SSBP4: variants seen among roughly 807,000 people sequenced by gnomAD.
SSBP4 encodes single stranded DNA binding protein 4, also known as single-stranded DNA-binding protein 4.
A neutral mutation model predicts 64.6 loss-of-function variants in SSBP4; 33 were observed. That is an observed-to-expected ratio of 0.51 (90% CI 0.39 to 0.68). SSBP4 has a LOEUF of 0.68. Among genes scored for constraint, SSBP4 ranks in the 30% least tolerant of loss-of-function variants. SSBP4 has a pLI of 0.00. For missense variants in SSBP4, 583 were observed against 566.8 expected, an observed-to-expected ratio of 1.03 and a Z score of -0.29; for synonymous variants, 243 against 224.0, an observed-to-expected ratio of 1.08 and a Z score of -0.76.
the SSBP4 span, among the ~76,000 whole-genome samples, chr19:18,404,015 A>AGAT: frequency 6.6e-6 from 1 of 151,628 alleles, no homozygotes; most frequent in Non-Finnish European, 1.5e-5. Flanking sequence ...CAGCCGCCAG[A>AGAT]GATGGCCCCA....
At chr19:18,419,254 C>T (rs546618712), upstream of SSBP4, 1 of 991,426 alleles carries the variant, frequency 1.0e-6, no homozygotes, top group South Asian at 4.7e-5. Context: ...GCCGCGCCCC[C>T]ACCCCCCGCG....
At position 18,427,469 on chromosome 19, in the gene SSBP4, C is replaced by T. The variant is rs770988865; in HGVS notation, c.132+46C>T. ...TGGCCCTCCCTCCTCACCCACACTC[C>T]GGGGGTCCTTCATTTCCACTGGGGA... On this transcript the variant is annotated intron_variant, in intron 2 of 17. Coordinates refer to ENST00000270061, the MANE Select transcript of SSBP4 (RefSeq NM_032627.5). This position sits in a 1 kb window ranked among gnomAD's most constrained non-coding sequence, Gnocchi z 4.4. 38 of 1,587,516 alleles carry T rather than the reference C, an allele frequency of 2.4e-5. No individual in the cohort carries two copies. In the Admixed American group the frequency reaches 3.2e-4, roughly 13 times the overall value.
chr19:18,423,414 C>T lies in SSBP4; in HGVS notation c.59+3707C>T, dbSNP rs554196173. Among the ~76,000 whole-genome samples, 1 of 152,216 alleles carries T rather than the reference C, an allele frequency of 6.6e-6. No individual in the cohort carries two copies. Among genetic ancestry groups the T allele is most frequent in the African/African-American group, 2.4e-5 (1 of 41,516 alleles). On this transcript the variant is annotated intron_variant, in intron 1 of 17. Transcript: ENST00000270061. The surrounding 1 kb of genome is among the most constrained non-coding windows in gnomAD (Gnocchi z 4.0). ...GGCCGCCACTTTGCCAAGAAGCTGC[C>T]AGAGGCCTGGCCTTTAGGGTTGGCA...
chr19:18,428,284 C>T (rs1434119291), intron 4 of SSBP4, among the ~76,000 whole-genome samples: 6 of 152,176 alleles, frequency 3.9e-5, no homozygotes, highest in Admixed American at 3.3e-4. Flanking sequence ...GCCATTTCCC[C>T]GCATCTCATG....
At chr19:18,412,006 C>A in the SSBP4 span, among the ~76,000 whole-genome samples, 1 of 151,750 alleles carries the variant, frequency 6.6e-6, no homozygotes, top group Admixed American at 6.6e-5. Context: ...CACACACACA[C>A]AAAATAAAAT....
chr19:18,431,886 T>C, intron 8 of SSBP4, 24 bp downstream of exon 8: 1 of 1,566,276 alleles, frequency 6.4e-7, no homozygotes, highest in Non-Finnish European at 8.7e-7. Flanking sequence ...CTCCAGCCCC[T>C]ATCCCGCCAT....
chr19:18,422,952 G>A (rs1972559490), intron 1 of SSBP4, among the ~76,000 whole-genome samples: 1 of 152,166 alleles, frequency 6.6e-6, no homozygotes, highest in Non-Finnish European at 1.5e-5. Flanking sequence ...GCTGCCCTTG[G>A]AGCCTACAGG....
rs759188767 is a variant in SSBP4, at chr19:18,433,625, G to C, written c.1020+12G>C. On this transcript the variant is annotated intron_variant, in intron 16 of 17. Coordinates refer to ENST00000270061, the MANE Select transcript of SSBP4 (RefSeq NM_032627.5). ...ACGGGTTGCCGAAGGTAAGGAGGCT[G>C]CGCTCTTGCCGGGGGTGGGATCCGG... 9 of 1,459,694 alleles carry C rather than the reference G, an allele frequency of 6.2e-6. 1 individual carries two copies. Among genetic ancestry groups the C allele is most frequent in the Middle Eastern group, 2.0e-4 (1 of 4,896 alleles). The allele number at this position is 1,459,694 out of a possible 1,614,324, so 90.4% of individuals were successfully genotyped here. A position where few individuals can be genotyped will look rare whatever the true frequency, so the allele number is the denominator to read the frequency against.
chr19:18,431,529 G>A, intron 6 of SSBP4, 111 bp downstream of exon 6: 1 of 1,411,612 alleles, frequency 7.1e-7, no homozygotes, highest in Non-Finnish European at 9.5e-7. Flanking sequence ...GCCGGGCTTT[G>A]CTGGCTGGTT....
chr19:18,412,835 G>A, the SSBP4 span, among the ~76,000 whole-genome samples: 2 of 152,228 alleles, frequency 1.3e-5, no homozygotes, highest in Non-Finnish European at 2.9e-5. Flanking sequence ...TTCAGCGAGA[G>A]CACTGAAGCA....
rs1972267445 is a variant in SSBP4 at position 18,419,462 on chromosome 19, A to G, written c.-187A>G. On this transcript the variant is annotated 5_prime_UTR_variant, in exon 1 of 18. Transcript: ENST00000270061. ...AAAGCCACCCTGCGGCCGGGGCCGG[A>G]GCTGGAGCCGCCGCTGCCGCCGCCG... The G allele has an allele frequency of 4.7e-6, 5 of 1,068,134 alleles. No homozygotes were observed. Among genetic ancestry groups the G allele is most frequent in the Non-Finnish European group, 4.5e-6 (4 of 885,000 alleles). The allele number at this position is 1,068,134 out of a possible 1,614,324, so 66.2% of individuals were successfully genotyped here.
In SSBP4 at chr19:18,432,185, C is replaced by T. The variant is rs772992400; in HGVS notation, c.675C>T (p.Leu225=). The T allele has an allele frequency of 5.6e-6, 9 of 1,613,034 alleles. No homozygotes were observed. Among genetic ancestry groups the T allele is most frequent in the East Asian group, 2.2e-5 (1 of 44,900 alleles). The change falls in exon 10 of 18, where the codon CTC becomes CTT. Residue 225 remains leucine (L), a synonymous_variant. Transcript: ENST00000270061. Reference sequence around the variant, plus strand: ...GCATGCGACCCCCACCCAACTCCCTCGCCGGCCCAGGCCTGCCTGCCATGA... The same window carrying T: ...GCATGCGACCCCCACCCAACTCCCTTGCCGGCCCAGGCCTGCCTGCCATGA... ...GGGMRPPPNS[L]AGPGLPAMNM... is the part of the protein sequence containing the mutation.
chr19:18,425,421 G>A (rs1972785150), intron 1 of SSBP4, among the ~76,000 whole-genome samples: 1 of 152,166 alleles, frequency 6.6e-6, no homozygotes, highest in African/African-American at 2.4e-5. Context: ...CTGGCAGGTG[G>A]GTTGGCACTG....
chr19:18,431,563 C>T (rs1973383805), intron 6 of SSBP4, 84 bp from the exon 7 acceptor site: 20 of 1,484,534 alleles, frequency 1.3e-5, no homozygotes, highest in Admixed American at 4.6e-5. Flanking sequence ...CTCCCCAGGT[C>T]GGGGGCCCCA....
intron 15 of SSBP4, 49 bp from the exon 16 acceptor site, chr19:18,433,536 A>C: frequency 6.5e-7 from 1 of 1,541,156 alleles, no homozygotes; most frequent in Non-Finnish European, 8.7e-7. Context: ...GCCGAGGGGC[A>C]TGGCGCCAGC....
chr19:18,434,064 C>T, intron 17 of SSBP4, 153 bp from the exon 18 acceptor site: 1 of 1,304,190 alleles, frequency 7.7e-7, no homozygotes, highest in South Asian at 2.3e-5. Context: ...GCGGCCTTCC[C>T]ATGCATCGCC....
At chr19:18,404,992 C>CA in the SSBP4 span, among the ~76,000 whole-genome samples, 2 of 125,352 alleles carry the variant, frequency 1.6e-5, no homozygotes, top group South Asian at 2.7e-4. Context: ...GAGGCCCCCC[C>CA]CCCCGCGAAA....
chr19:18,423,136 A>T lies in SSBP4; in HGVS notation c.59+3429A>T, dbSNP rs1972575449. On this transcript the variant is annotated intron_variant, in intron 1 of 17. Coordinates refer to ENST00000270061, the MANE Select transcript of SSBP4 (RefSeq NM_032627.5). This position sits in a 1 kb window ranked among gnomAD's most constrained non-coding sequence, Gnocchi z 4.0. ...GTGGGCCACTTGCAAGAAGAGGGGC[A>T]TGTGTATATCCTTCAGCACTCAAGT... Among the ~76,000 whole-genome samples, 1 of 152,192 alleles carries T rather than the reference A, an allele frequency of 6.6e-6. No homozygotes were observed. The highest frequency in any genetic ancestry group is 6.5e-5 in the Admixed American group (1 of 15,284).
intron 4 of SSBP4, among the ~76,000 whole-genome samples, chr19:18,428,666 TG>T (rs1973049527): frequency 6.6e-6 from 1 of 151,962 alleles, no homozygotes; most frequent in Non-Finnish European, 1.5e-5. Context: ...GGTGGGCGTC[TG>T]GGGGGCGCCA....
Sources: allele counts gnomAD v4.1 joint callset (sites outside exome capture counted in the v4.1 genomes callset), GRCh38; gene constraint gnomAD v4.1.1; non-coding constraint Gnocchi (gnomAD v3.1); transcripts MANE v1.5; gene names NCBI Gene and HGNC (gene_info 2026-07-23, HGNC 2026-07-21).